Variants in SPAST observed in about 807,000 individuals in gnomAD.
The protein encoded by SPAST is spastin.
In SPAST, 30 loss-of-function variants were observed where a neutral mutation model predicts 76.6. The observed-to-expected ratio is 0.39, with a 90% confidence interval of 0.29 to 0.53. The LOEUF is 0.53. Among genes scored for constraint, SPAST ranks in the 20% least tolerant of loss-of-function variants. SPAST has a pLI of 0.68. For synonymous variants in SPAST, 305 were observed against 281.0 expected, an observed-to-expected ratio of 1.09 and a Z score of -0.86; for missense variants, 717 against 770.5, an observed-to-expected ratio of 0.93 and a Z score of 0.82.
chr2:32,117,338 CT>C (rs1443193391), intron 7 of SPAST, among the ~76,000 whole-genome samples: 1 of 152,028 alleles, frequency 6.6e-6, no homozygotes, highest in African/African-American at 2.4e-5. Flanking sequence ...GTAGTGGCCC[CT>C]GACACAATGA....
In SPAST at chr2:32,156,781, A is replaced by G. The variant is rs1249556640; in HGVS notation, c.*2285A>G. 6.6e-6 allele frequency: 1 copy of G among 152,200 alleles called. No homozygotes were observed. The highest frequency in any genetic ancestry group is 1.5e-5 in the Non-Finnish European group (1 of 68,034). The allele number at this position is 152,200 out of a possible 1,614,324, so 9.4% of individuals were successfully genotyped here. ...CATGGTTATAATTCTATTGGGAAAGACTTTTAGATAACAAAGATTTCAAAT... is the reference window on the plus strand; with the variant it reads ...CATGGTTATAATTCTATTGGGAAAGGCTTTTAGATAACAAAGATTTCAAAT... On this transcript the variant is annotated 3_prime_UTR_variant, in exon 17 of 17. Transcript: ENST00000315285.
intron 1 of SPAST, among the ~76,000 whole-genome samples, chr2:32,083,758 A>ATTTTT (rs1413022082): frequency 2.2e-5 from 1 of 44,864 alleles, no homozygotes; most frequent in Non-Finnish European, 4.5e-5. Flanking sequence ...TACTATATAT[A>ATTTTT]TATATATATA....
At position 32,063,735 on chromosome 2, in the gene SPAST, T is replaced by C; in HGVS notation, c.-97T>C. 1 of 1,449,976 alleles carries C rather than the reference T, an allele frequency of 6.9e-7. No homozygotes were observed. Among genetic ancestry groups the C allele is most frequent in the Non-Finnish European group, 9.2e-7 (1 of 1,089,800 alleles). 89.8% of individuals were successfully genotyped at this position (1,449,976 alleles called of 1,614,324 possible). On this transcript the variant is annotated 5_prime_UTR_variant, in exon 1 of 17. Transcript: ENST00000315285. ...CCTGAGACCGGCGGGCACACGGGGG[T>C]CTGTGGCCCCCGCCGTAGCAGTGGC...
At chr2:32,123,390 A>C (rs1466997459) in intron 7 of SPAST, among the ~76,000 whole-genome samples, 2 of 152,216 alleles carry the variant, frequency 1.3e-5, no homozygotes, top group Admixed American at 1.3e-4. Context: ...CAAAGATCTA[A>C]GTAAACTGAG....
chr2:32,107,848 C>A (rs576010783), intron 4 of SPAST, among the ~76,000 whole-genome samples: 1 of 152,030 alleles, frequency 6.6e-6, no homozygotes, highest in East Asian at 1.9e-4. Flanking sequence ...TCACTCAGAC[C>A]TATTAGTAGT....
At chr2:32,090,892 T>TTG (rs1462439584) in intron 3 of SPAST, among the ~76,000 whole-genome samples, 11 of 152,296 alleles carry the variant, frequency 7.2e-5, no homozygotes, top group African/African-American at 2.4e-4. Context: ...GTGGTTGTGT[T>TTG]TGTGTGTTCA....
At chr2:32,070,966 T>G (rs560953493) in intron 1 of SPAST, among the ~76,000 whole-genome samples, 33 of 152,320 alleles carry the variant, frequency 2.2e-4, no homozygotes, top group African/African-American at 7.7e-4. Context: ...AGAATTTAAG[T>G]GAATGGACTC....
At chr2:32,108,528 T>A (rs891603924) in intron 4 of SPAST, among the ~76,000 whole-genome samples, 1 of 152,072 alleles carries the variant, frequency 6.6e-6, no homozygotes, top group Admixed American at 6.6e-5. Flanking sequence ...ATATTTATTT[T>A]TTTTTGAGAT....
intron 1 of SPAST, among the ~76,000 whole-genome samples, chr2:32,066,318 C>G (rs776764727): frequency 2.6e-5 from 4 of 152,038 alleles, no homozygotes; most frequent in Non-Finnish European, 5.9e-5. Flanking sequence ...TCCAGGATCC[C>G]TTGGGGAGAA....
At chr2:32,146,972 G>C (rs1311397939) in intron 15 of SPAST, among the ~76,000 whole-genome samples, 3 of 148,840 alleles carry the variant, frequency 2.0e-5, no homozygotes, top group African/African-American at 7.4e-5. Context: ...TTTCAAATTT[G>C]TGAACTATTG....
At chr2:32,117,164 A>G (rs973911873) in intron 7 of SPAST, among the ~76,000 whole-genome samples, 5 of 152,088 alleles carry the variant, frequency 3.3e-5, no homozygotes, top group South Asian at 2.1e-4. Flanking sequence ...GAGGCAGGAG[A>G]ATCGCTTGAA....
intron 7 of SPAST, among the ~76,000 whole-genome samples, chr2:32,125,136 G>A (rs1299139828): frequency 6.6e-6 from 1 of 151,914 alleles, no homozygotes; most frequent in East Asian, 1.9e-4. Context: ...AGGAATGAGA[G>A]GTTATATGGG....
Position 32,087,130 on chromosome 2 carries a change from A to G in SPAST, c.416-362A>G, listed in dbSNP as rs78970371. On this transcript the variant is annotated intron_variant, in intron 1 of 16. Transcript: ENST00000315285. ...TCAGATTTGAATATGAGATTAAACA[A>G]TGCTTTTTGTTTCATTGTTATTGAA... 7.0e-3 allele frequency among the ~76,000 whole-genome samples: 1,068 copies of G among 152,322 alleles called. 14 individuals are homozygous for G. Among genetic ancestry groups the G allele is most frequent in the African/African-American group, 0.024 (1,002 of 41,572 alleles).
intron 8 of SPAST, 121 bp from the exon 9 acceptor site, chr2:32,128,287 A>G: frequency 1.3e-6 from 1 of 758,930 alleles, no homozygotes. Flanking sequence ...GAGCCACCAC[A>G]CCTGGCCTCA....
chr2:32,096,577 T>C (rs1455837406), intron 3 of SPAST, among the ~76,000 whole-genome samples: 1 of 152,236 alleles, frequency 6.6e-6, no homozygotes, highest in African/African-American at 2.4e-5. Context: ...TGTATGTGTC[T>C]GTTTCTACAC....
rs1054711827 is a variant in SPAST at position 32,145,444 on chromosome 2, C to T, written c.1687+437C>T. On this transcript the variant is annotated intron_variant, in intron 15 of 16. Coordinates refer to ENST00000315285, the MANE Select transcript of SPAST (RefSeq NM_014946.4). ...GATCATACAAAAACAGTCTATGAGC[C>T]AGTAGACTGTGACCCCTGTTCTAGG... 1.2e-4 allele frequency among the ~76,000 whole-genome samples: 19 copies of T among 152,198 alleles called. No homozygotes were observed. In the Middle Eastern group the frequency reaches 0.014, roughly 109 times the overall value.
chr2:32,142,467 T>C lies in SPAST; in HGVS notation c.1536+521T>C, dbSNP rs182725638. On this transcript the variant is annotated intron_variant, in intron 13 of 16. Transcript: ENST00000315285. ...TCTTGCTCTGTCGCTCAGGCTGGAG[T>C]GCAGTGGCGTGATCTCGGCTCACTG... Among the ~76,000 whole-genome samples, 19 of 152,242 alleles carry C rather than the reference T, an allele frequency of 1.2e-4. No homozygotes were observed. In the Middle Eastern group the frequency reaches 0.014, roughly 109 times the overall value.
intron 1 of SPAST, among the ~76,000 whole-genome samples, chr2:32,067,242 A>G (rs1236365370): frequency 6.6e-6 from 1 of 151,940 alleles, no homozygotes; most frequent in Non-Finnish European, 1.5e-5. Flanking sequence ...TTGTGTTTTT[A>G]GTAGAGATGG....
chr2:32,084,019 T>G (rs1432564100), intron 1 of SPAST, among the ~76,000 whole-genome samples: 11 of 151,092 alleles, frequency 7.3e-5, no homozygotes, highest in Non-Finnish European at 1.5e-5. Context: ...CCTCAGGTGA[T>G]CCACCCGCTT....
Sources: gnomAD v4.1 joint callset for allele counts (sites outside exome capture counted in the v4.1 genomes callset) on GRCh38, gnomAD v4.1.1 for gene constraint, MANE v1.5 for transcripts, NCBI Gene and HGNC (gene_info 2026-07-23, HGNC 2026-07-21) for gene names.